ZKSCAN5: variants seen among roughly 807,000 people sequenced by gnomAD.
The protein encoded by ZKSCAN5 is zinc finger with KRAB and SCAN domains 5, also known as zinc finger protein with KRAB and SCAN domains 5.
A neutral mutation model predicts 60.0 loss-of-function variants in ZKSCAN5; 28 were observed. The observed-to-expected ratio is 0.47, with a 90% CI of 0.35 to 0.64. The LOEUF (loss-of-function observed/expected upper bound fraction) is 0.64. Among genes scored for constraint, ZKSCAN5 ranks in the 30% least tolerant of loss-of-function variants. ZKSCAN5 has a pLI of 0.01. For missense variants in ZKSCAN5, 881 were observed against 1,034.6 expected (o/e 0.85, Z 2.04); for synonymous variants, 361 against 371.2 (o/e 0.97, Z 0.31).
Position 99,526,385 on chromosome 7 carries a change from C to T in ZKSCAN5, c.1345C>T (p.Leu449=). The change falls in exon 6 of 7, where the codon CTA becomes TTA. Residue 449 remains leucine, a synonymous_variant. Coordinates refer to ENST00000326775, the MANE Select transcript of ZKSCAN5 (RefSeq NM_145102.4). ...FGRHSHLIEH[L]KRHFREKSQR... is the part of the protein sequence containing the mutation. Reference sequence around the variant, plus strand: ...TCGCCATTCGCATCTGATCGAACACCTAAAACGCCACTTCAGGGAGAAATC... The same window carrying T: ...TCGCCATTCGCATCTGATCGAACACTTAAAACGCCACTTCAGGGAGAAATC... 6.2e-7 allele frequency: 1 copy of T among 1,601,546 alleles called. No homozygotes were observed. Among genetic ancestry groups the T allele is most frequent in the Non-Finnish European group, 8.5e-7 (1 of 1,179,792 alleles).
At chr7:99,513,983 T>C (rs1801157549) in intron 3 of ZKSCAN5, among the ~76,000 whole-genome samples, 1 of 152,252 alleles carries the variant, frequency 6.6e-6, no homozygotes, top group African/African-American at 2.4e-5. Context: ...AGGCAAAGGT[T>C]GCAGTGAGCT....
chr7:99,510,355 TC>T (rs1449245367), intron 2 of ZKSCAN5, among the ~76,000 whole-genome samples: 7 of 152,162 alleles, frequency 4.6e-5, no homozygotes, highest in African/African-American at 1.7e-4. Context: ...TGCGTCAGTC[TC>T]CTGAAGGTTT....
intron 5 of ZKSCAN5, among the ~76,000 whole-genome samples, chr7:99,524,032 CA>C (rs1801661588): frequency 6.7e-6 from 1 of 150,242 alleles, no homozygotes; most frequent in Non-Finnish European, 1.5e-5. Flanking sequence ...CTCATGAAAA[CA>C]TCTTGGGACA....
At position 99,519,858 on chromosome 7, in the gene ZKSCAN5, C is replaced by A. The variant is rs756258278; in HGVS notation, c.585C>A (p.Pro195=). Residue 195 remains proline (P), a synonymous_variant, in exon 4 of 7, where the codon CCC becomes CCA. Coordinates refer to ENST00000326775, the MANE Select transcript of ZKSCAN5 (RefSeq NM_145102.4). ...CTGTTCTCCAAGTTCCTTCCCTTCC[C>A]CTGAAGGACAGCCAGGAGCTGACAG... ...ALPVLQVPSL[P]LKDSQELTAS... is the part of the protein sequence containing the mutation. 6.2e-7 allele frequency: 1 copy of A among 1,614,104 alleles called. No homozygotes were observed. The highest frequency in any genetic ancestry group is 8.5e-7 in the Non-Finnish European group (1 of 1,180,026).
rs1562918633 is a variant in ZKSCAN5 at position 99,531,736 on chromosome 7, C to T, written c.2007C>T (p.Ile669=). Residue 669 remains isoleucine (I), a synonymous_variant, in exon 7 of 7, where the codon ATC becomes ATT. Transcript: ENST00000326775. ...ATCAGTGTCGTGAATGTGGGGAAAT[C>T]TTTTTTCAGTACGTTAGCCTAATTG... ...KSHQCRECGE[I]FFQYVSLIEH... is the part of the protein sequence containing the mutation. The T allele has an allele frequency of 6.2e-7, 1 of 1,614,118 alleles. No individual in the cohort carries two copies. The highest frequency in any genetic ancestry group is 2.2e-5 in the East Asian group (1 of 44,882).
At chr7:99,506,480 T>G in intron 2 of ZKSCAN5, 22 bp downstream of exon 2, 1 of 1,589,456 alleles carries the variant, frequency 6.3e-7, no homozygotes, top group East Asian at 2.2e-5. Context: ...AGAAGCTATA[T>G]GAGCAATGAA....
intron 3 of ZKSCAN5, among the ~76,000 whole-genome samples, chr7:99,514,656 C>A (rs529784893): frequency 6.6e-6 from 1 of 152,160 alleles, no homozygotes; most frequent in African/African-American, 2.4e-5. Flanking sequence ...CCTGTAATCC[C>A]AGCACTTTGG....
Position 99,532,549 on chromosome 7 carries a change from T to C in ZKSCAN5, c.*300T>C. ...AAAGCCTGCAGTTGACATTCAGTCTTCACTTGAAACTCAAAACTGACACTA... is the reference window on the plus strand; with the variant it reads ...AAAGCCTGCAGTTGACATTCAGTCTCCACTTGAAACTCAAAACTGACACTA... On this transcript the variant is annotated 3_prime_UTR_variant, in exon 7 of 7. Transcript: ENST00000326775. 1 of 257,278 alleles carries C rather than the reference T, an allele frequency of 3.9e-6. No individual in the cohort carries two copies. The highest frequency in any genetic ancestry group is 7.3e-6 in the Non-Finnish European group (1 of 136,154). 15.9% of individuals were successfully genotyped at this position (257,278 alleles called of 1,614,324 possible). A position where few individuals can be genotyped will look rare whatever the true frequency, so the allele number is the denominator to read the frequency against.
rs146015583 is a variant in ZKSCAN5, at chr7:99,531,529, A to G, written c.1800A>G (p.Thr600=). Residue 600 remains threonine (T), a synonymous_variant, in exon 7 of 7, where the codon ACA becomes ACG. Transcript: ENST00000326775. The stretch of plus-strand genomic sequence containing the variant: ...TAACTCAGCATCAGCGCGTCCACAC[A>G]GGTGAGAAGCCCTACACCTGTCCCT... ...VHLTQHQRVH[T]GEKPYTCPLC... 83 of 1,614,088 alleles carry G rather than the reference A, an allele frequency of 5.1e-5. No individual in the cohort carries two copies. The highest frequency in any genetic ancestry group is 6.5e-5 in the Non-Finnish European group (77 of 1,180,046).
chr7:99,514,363 G>A (rs1360266321), intron 3 of ZKSCAN5, among the ~76,000 whole-genome samples: 1 of 152,148 alleles, frequency 6.6e-6, no homozygotes, highest in Non-Finnish European at 1.5e-5. Context: ...CATCTACTGA[G>A]TTGCCTAATA....
intron 5 of ZKSCAN5, among the ~76,000 whole-genome samples, chr7:99,520,748 C>G (rs1801500535): frequency 6.6e-6 from 1 of 151,984 alleles, no homozygotes; most frequent in South Asian, 2.1e-4. Context: ...GCCTGTAATC[C>G]CAGCACTTCC....
intron 3 of ZKSCAN5, among the ~76,000 whole-genome samples, chr7:99,515,436 G>T (rs1025894382): frequency 6.6e-6 from 1 of 151,814 alleles, no homozygotes; most frequent in African/African-American, 2.4e-5. Flanking sequence ...GCTCAGAAAA[G>T]AAATGGAAAC....
In ZKSCAN5 at chr7:99,531,343, C is replaced by T. The variant is rs1802036314; in HGVS notation, c.1614C>T (p.Val538=). 8.7e-6 allele frequency: 14 copies of T among 1,614,092 alleles called. No individual in the cohort carries two copies. The highest frequency in any genetic ancestry group is 1.1e-5 in the Non-Finnish European group (13 of 1,180,020). Reference sequence around the variant, plus strand: ...TGAACTACAGTGAAGTCCCATATGTCCACAAAAAATCCTCCACTGGAGAGA... The same window carrying T: ...TGAACTACAGTGAAGTCCCATATGTTCACAAAAAATCCTCCACTGGAGAGA... The part of the protein sequence containing the change: ...KRMNYSEVPY[V]HKKSSTGERP... Residue 538 remains valine (V), a synonymous_variant, in exon 7 of 7, where the codon GTC becomes GTT. Coordinates refer to ENST00000326775, the MANE Select transcript of ZKSCAN5 (RefSeq NM_145102.4).
chr7:99,523,968 A>C (rs1002660855), intron 5 of ZKSCAN5, among the ~76,000 whole-genome samples: 1 of 152,138 alleles, frequency 6.6e-6, no homozygotes, highest in Non-Finnish European at 1.5e-5. Flanking sequence ...TGCTGGACTC[A>C]TAGCACTCAG....
chr7:99,521,165 A>G (rs1447890867), intron 5 of ZKSCAN5, among the ~76,000 whole-genome samples: 1 of 152,148 alleles, frequency 6.6e-6, no homozygotes, highest in Admixed American at 6.6e-5. Context: ...AAGACTTCAG[A>G]TGCAAACATA....
At chr7:99,529,580 C>T (rs1411999497) in intron 6 of ZKSCAN5, among the ~76,000 whole-genome samples, 2 of 151,766 alleles carry the variant, frequency 1.3e-5, no homozygotes, top group Admixed American at 6.6e-5. Flanking sequence ...TAGATATACC[C>T]AGTTGTGGAA....
At chr7:99,523,594 A>C (rs1273030928) in intron 5 of ZKSCAN5, among the ~76,000 whole-genome samples, 2 of 151,148 alleles carry the variant, frequency 1.3e-5, no homozygotes, top group Non-Finnish European at 2.9e-5. Context: ...TGACAGAGCA[A>C]GACCCAGTCT....
intron 6 of ZKSCAN5, among the ~76,000 whole-genome samples, chr7:99,528,058 TG>T (rs1801872014): frequency 1.3e-5 from 2 of 151,968 alleles, no homozygotes; most frequent in African/African-American, 4.8e-5. Context: ...AACTGTGCTG[TG>T]AACTTAAAGG....
At chr7:99,506,542 T>G (rs1800740098) in intron 2 of ZKSCAN5, 84 bp downstream of exon 2, 2 of 1,453,388 alleles carry the variant, frequency 1.4e-6, no homozygotes, top group African/African-American at 2.8e-5. Context: ...AGTCCTCTGC[T>G]GCTTCATTCA....
Sources: gnomAD v4.1 joint callset for allele counts (sites outside exome capture counted in the v4.1 genomes callset) on GRCh38, gnomAD v4.1.1 for gene constraint, MANE v1.5 for transcripts, NCBI Gene and HGNC (gene_info 2026-07-23, HGNC 2026-07-21) for gene names.